The following HDAC4 variants were observed in gnomAD, a reference collection of about 807,000 sequenced individuals.
The protein encoded by HDAC4 is histone deacetylase 4.
HDAC4 carries 16 observed loss-of-function variants against 135.1 expected under a neutral mutation model. The ratio of observed to expected loss-of-function variants is 0.12; its 90% CI spans 0.08 to 0.18. The LOEUF (loss-of-function observed/expected upper bound fraction) is 0.18. HDAC4 is among the 10% of genes least tolerant of loss of function. HDAC4 has a pLI of 1.00. For synonymous variants in HDAC4, 685 were observed against 653.4 expected (o/e 1.05, Z -0.74); for missense variants, 1,143 against 1,511.8 (o/e 0.76, Z 4.05).
chr2:239,376,927 G>A (rs1454085374), intron 1 of HDAC4, among the ~76,000 whole-genome samples: 2 of 152,056 alleles, frequency 1.3e-5, no homozygotes, highest in African/African-American at 4.8e-5. Flanking sequence ...AATAATAAGT[G>A]GCTCTGAGTG....
rs572811785 is a variant in HDAC4, at chr2:239,289,789, CTCTGAGAATGCCCCTGG to C, written c.23-53142_23-53126del. Among the ~76,000 whole-genome samples the C allele has an allele frequency of 5.9e-5, 9 of 152,352 alleles. No individual in the cohort carries two copies. The South Asian group carries it at 1.9e-3, about 32-fold the overall frequency. The stretch of plus-strand genomic sequence containing the variant: ...TGCCCGCTGCCTGATCCTGCCCAAA[CTCTGAGAATGCCCCTGG>C]TTATAACCCTCCGTTTCCCTACTGT... On this transcript the variant is annotated intron_variant, in intron 2 of 26. Transcript: ENST00000543185.
intron 15 of HDAC4, among the ~76,000 whole-genome samples, chr2:239,107,351 T>A (rs1470598866): frequency 6.6e-6 from 1 of 152,232 alleles, no homozygotes; most frequent in African/African-American, 2.4e-5. Context: ...CCTCCTTGTA[T>A]GAGAACAAGT....
intron 2 of HDAC4, among the ~76,000 whole-genome samples, chr2:239,275,171 C>A (rs1192816049): frequency 6.6e-6 from 1 of 152,228 alleles, no homozygotes; most frequent in African/African-American, 2.4e-5. Context: ...CGGCCGGAAG[C>A]CCCGTGGGCC....
At chr2:239,179,704 G>A (rs1352905775) in intron 4 of HDAC4, among the ~76,000 whole-genome samples, 1 of 152,238 alleles carries the variant, frequency 6.6e-6, no homozygotes, top group Non-Finnish European at 1.5e-5. Flanking sequence ...GGGTAGGAAA[G>A]CAGATGAAAA....
intron 11 of HDAC4, among the ~76,000 whole-genome samples, chr2:239,130,060 T>C (rs2040462617): frequency 6.6e-6 from 1 of 152,194 alleles, no homozygotes; most frequent in African/African-American, 2.4e-5. Context: ...GTCCATCTGG[T>C]GTATTCCATT....
intron 19 of HDAC4, 28 bp downstream of exon 19, chr2:239,087,531 G>C (rs1363209927): frequency 6.2e-7 from 1 of 1,608,264 alleles, no homozygotes; most frequent in Non-Finnish European, 8.5e-7. Context: ...GGGTTCCCCT[G>C]CTGTGCGGGG....
intron 17 of HDAC4, chr2:239,094,300 T>C (rs1031492867): frequency 8.1e-6 from 8 of 985,328 alleles, no homozygotes; most frequent in African/African-American, 7.0e-5. Context: ...TCTTTTGTTA[T>C]TGAGAAGTTT....
chr2:239,087,621 G>T lies in HDAC4; in HGVS notation c.2389-7C>A. On this transcript the variant is annotated splice_polypyrimidine_tract_variant and splice_region_variant and intron_variant, in intron 18 of 26. Coordinates refer to ENST00000543185, the MANE Select transcript of HDAC4 (RefSeq NM_001378414.1). The stretch of plus-strand genomic sequence containing the variant: ...GGACCACAGCAAAGCCATTCTGCAG[G>T]TGACACCAGACAGCCAGGAGAGAGC... The T allele has an allele frequency of 1.2e-6, 2 of 1,613,654 alleles. No individual in the cohort carries two copies. Among genetic ancestry groups the T allele is most frequent in the Non-Finnish European group, 1.7e-6 (2 of 1,179,882 alleles).
At chr2:239,201,624 C>T (rs184385437) in intron 3 of HDAC4, among the ~76,000 whole-genome samples, 9 of 152,158 alleles carry the variant, frequency 5.9e-5, no homozygotes, top group East Asian at 1.9e-4. Flanking sequence ...TGCTCAAGGC[C>T]GAGACAACAG....
chr2:239,175,710 G>A (rs557240041), intron 5 of HDAC4, among the ~76,000 whole-genome samples: 13 of 152,276 alleles, frequency 8.5e-5, no homozygotes, highest in East Asian at 5.8e-4. Context: ...AAATGCTCCC[G>A]AAAGAAAAGT....
intron 3 of HDAC4, among the ~76,000 whole-genome samples, chr2:239,235,421 G>A (rs1039821808): frequency 5.9e-5 from 9 of 152,368 alleles, no homozygotes; most frequent in Middle Eastern, 3.4e-3. Flanking sequence ...CTGGGGCACC[G>A]GAGGGCACAG....
At chr2:239,304,929 C>A (rs2052491127) in intron 2 of HDAC4, among the ~76,000 whole-genome samples, 1 of 152,208 alleles carries the variant, frequency 6.6e-6, no homozygotes, top group Non-Finnish European at 1.5e-5. Context: ...AGCCACATGG[C>A]CCAGCAGAGA....
chr2:239,272,609 T>C (rs1294202369), intron 2 of HDAC4, among the ~76,000 whole-genome samples: 1 of 152,174 alleles, frequency 6.6e-6, no homozygotes, highest in Non-Finnish European at 1.5e-5. Context: ...AAAATCACAA[T>C]AAGATGTCAC....
At position 239,139,965 on chromosome 2, in the gene HDAC4, G is replaced by A. The variant is rs897153906; in HGVS notation, c.866-169C>T. ...ATGGTTTCAAAAAAGAAAGTATGATGCTGATTTCTGATTTTCCAGTTTTGC... is the reference window on the plus strand; with the variant it reads ...ATGGTTTCAAAAAAGAAAGTATGATACTGATTTCTGATTTTCCAGTTTTGC... On this transcript the variant is annotated intron_variant, in intron 8 of 26. Coordinates refer to ENST00000543185, the MANE Select transcript of HDAC4 (RefSeq NM_001378414.1). The surrounding 1 kb of genome is among the most constrained non-coding windows in gnomAD (Gnocchi z 5.3). Among the ~76,000 whole-genome samples, 18 of 152,190 alleles carry A rather than the reference G, an allele frequency of 1.2e-4. No individual in the cohort carries two copies. The highest frequency in any genetic ancestry group is 4.1e-4 in the African/African-American group (17 of 41,450).
chr2:239,095,883 T>C (rs2036977898), intron 16 of HDAC4, among the ~76,000 whole-genome samples: 1 of 152,024 alleles, frequency 6.6e-6, no homozygotes, highest in Non-Finnish European at 1.5e-5. Flanking sequence ...AATCCCTCAC[T>C]CTCCGCAGCC....
At chr2:239,248,684 A>T (rs754373386) in intron 2 of HDAC4, among the ~76,000 whole-genome samples, 1 of 152,174 alleles carries the variant, frequency 6.6e-6, no homozygotes, top group Non-Finnish European at 1.5e-5. Context: ...CAGAAGTAGT[A>T]CTCATGGTTC....
rs73000108 is a variant in HDAC4 at position 239,120,894 on chromosome 2, C to T, written c.1533+5562G>A. Among the ~76,000 whole-genome samples the T allele has an allele frequency of 6.6e-3, 998 of 151,746 alleles. 7 individuals are homozygous for T. Among genetic ancestry groups the T allele is most frequent in the Middle Eastern group, 0.014 (4 of 292 alleles). On this transcript the variant is annotated intron_variant, in intron 12 of 26. Transcript: ENST00000543185. ...GCCACTCCCAGGAAGCCAGGCTGATCGAGGAAAAGGGTTTGTCTGTTTGCC... is the reference window on the plus strand; with the variant it reads ...GCCACTCCCAGGAAGCCAGGCTGATTGAGGAAAAGGGTTTGTCTGTTTGCC...
rs1693218012 is a variant in HDAC4 at position 239,352,231 on chromosome 2, G to T, written c.22+447C>A. Among the ~76,000 whole-genome samples the T allele has an allele frequency of 6.6e-6, 1 of 152,124 alleles. No homozygotes were observed. Among genetic ancestry groups the T allele is most frequent in the Non-Finnish European group, 1.5e-5 (1 of 68,024 alleles). On this transcript the variant is annotated intron_variant, in intron 2 of 26. Coordinates refer to ENST00000543185, the MANE Select transcript of HDAC4 (RefSeq NM_001378414.1). This position sits in a 1 kb window ranked among gnomAD's most constrained non-coding sequence, Gnocchi z 4.4. ...TCACAGAGGCCCTCAAACACCAGGA[G>T]CAACTGTGGCCACGACCTCAGTGGG...
intron 4 of HDAC4, among the ~76,000 whole-genome samples, chr2:239,179,062 G>A (rs1302126290): frequency 6.6e-6 from 1 of 151,320 alleles, no homozygotes; most frequent in Non-Finnish European, 1.5e-5. Flanking sequence ...TGGGGTGTGC[G>A]TGCGAGGCAG....
Sources: allele counts gnomAD v4.1 joint callset (sites outside exome capture counted in the v4.1 genomes callset), GRCh38; gene constraint gnomAD v4.1.1; non-coding constraint Gnocchi (gnomAD v3.1); transcripts MANE v1.5; gene names NCBI Gene and HGNC (gene_info 2026-07-23, HGNC 2026-07-21).